DAPK2: variants seen among roughly 807,000 people sequenced by gnomAD.
The protein encoded by DAPK2 is death-associated protein kinase 2.
DAPK2 carries 35 observed loss-of-function variants against 44.1 expected under a neutral mutation model. That is an observed-to-expected ratio of 0.79 (90% CI 0.61 to 1.05). DAPK2 has a LOEUF of 1.05. Ranked by LOEUF, DAPK2 falls within the 50% of genes least tolerant of loss-of-function variation. The probability of loss-of-function intolerance (pLI) is 0.00; values close to 1 mark genes in which losing one functional copy is unlikely to be tolerated. For missense variants in DAPK2, 453 were observed against 483.2 expected, an observed-to-expected ratio of 0.94 and a Z score of 0.59; for synonymous variants, 174 against 182.6, an observed-to-expected ratio of 0.95 and a Z score of 0.38.
At chr15:64,007,897 G>T (rs966415594) in intron 1 of DAPK2, among the ~76,000 whole-genome samples, 3 of 152,178 alleles carry the variant, frequency 2.0e-5, no homozygotes, top group African/African-American at 2.4e-5. Flanking sequence ...AAAATACTAT[G>T]CTAAGTGAAA....
In DAPK2 at chr15:63,917,341, C is replaced by G. The variant is rs1595697908; in HGVS notation, c.859-5144G>C. The stretch of plus-strand genomic sequence containing the variant: ...TCGCGCCATTGCACTCCAGCCTGGG[C>G]AACGAGAGTGAAACTCTGTCTCAAA... On this transcript the variant is annotated intron_variant, in intron 8 of 10. Coordinates refer to ENST00000261891, the Ensembl canonical transcript of DAPK2. The surrounding 1 kb of genome is among the most constrained non-coding windows in gnomAD (Gnocchi z 4.4). 1 of 139,406 alleles carries G rather than the reference C, an allele frequency of 7.2e-6. No homozygotes were observed. The highest frequency in any genetic ancestry group is 2.7e-5 in the African/African-American group (1 of 37,504). The allele number at this position is 139,406 out of a possible 1,614,324, so 8.6% of individuals were successfully genotyped here. A position where few individuals can be genotyped will look rare whatever the true frequency, so the allele number is the denominator to read the frequency against.
intron 8 of DAPK2, 167 bp downstream of exon 9, chr15:63,924,649 G>A (rs1237930100): frequency 1.9e-5 from 12 of 644,796 alleles, no homozygotes; most frequent in East Asian, 1.6e-4. Context: ...AAACCTATTC[G>A]AATAAGCCCA....
At chr15:63,931,611 G>A (rs2079559034) in intron 4 of DAPK2, among the ~76,000 whole-genome samples, 1 of 152,170 alleles carries the variant, frequency 6.6e-6, no homozygotes, top group Admixed American at 6.5e-5. Flanking sequence ...CAATGAGCTT[G>A]AGGTGCCTGA....
At chr15:63,911,818 C>G in intron 10 of DAPK2, 90 bp downstream of exon 11, 1 of 1,321,696 alleles carries the variant, frequency 7.6e-7, no homozygotes, top group Non-Finnish European at 1.1e-6. Context: ...GAACACCCAC[C>G]TGCCTTGTGA....
chr15:64,001,710 C>A (rs2079089308), intron 1 of DAPK2, among the ~76,000 whole-genome samples: 2 of 152,166 alleles, frequency 1.3e-5, no homozygotes, highest in African/African-American at 4.8e-5. Context: ...CACCTGGAAG[C>A]TTGTCAGAAA....
chr15:63,930,887 C>T (rs1418397754), intron 4 of DAPK2, among the ~76,000 whole-genome samples: 1 of 152,046 alleles, frequency 6.6e-6, no homozygotes, highest in Admixed American at 6.5e-5. Flanking sequence ...AGTGAGACCC[C>T]ATCTCCACAA....
At chr15:63,913,592 G>A (rs6494453) in intron 8 of DAPK2, among the ~76,000 whole-genome samples, 100,923 of 151,988 alleles carry the variant, frequency 0.66, 34,788 homozygotes, top group East Asian at 0.91. Flanking sequence ...TTGATTCCCA[G>A]GCGTGGGTCT....
intron 4 of DAPK2, chr15:63,935,427 A>G (rs149519701): frequency 1.3e-5 from 2 of 152,094 alleles, no homozygotes; most frequent in African/African-American, 4.8e-5. Context: ...GCACACAATT[A>G]TGGGTTTACT....
chr15:64,033,253 T>TGGGGAG (rs59646299), intron 1 of DAPK2, among the ~76,000 whole-genome samples: 6 of 85,622 alleles, frequency 7.0e-5, no homozygotes, highest in African/African-American at 2.4e-4. Context: ...GAGAGACCCC[T>TGGGGAG]GGGGAGGGGG....
At chr15:63,946,152 C>A (rs1442750907) in intron 3 of DAPK2, among the ~76,000 whole-genome samples, 1 of 152,230 alleles carries the variant, frequency 6.6e-6, no homozygotes, top group Non-Finnish European at 1.5e-5. Flanking sequence ...ACAAACCCAC[C>A]CAGCTCATCC....
At chr15:63,986,195 C>G (rs2078664250) in intron 1 of DAPK2, among the ~76,000 whole-genome samples, 1 of 152,226 alleles carries the variant, frequency 6.6e-6, no homozygotes, top group African/African-American at 2.4e-5. Flanking sequence ...GCTTCAAGAT[C>G]AGACAGGCCT....
chr15:63,928,958 T>G (rs2079410914), intron 6 of DAPK2, among the ~76,000 whole-genome samples: 1 of 152,108 alleles, frequency 6.6e-6, no homozygotes, highest in South Asian at 2.1e-4. Flanking sequence ...ATCCCAGCAC[T>G]TTGGGAGGCT....
intron 1 of DAPK2, among the ~76,000 whole-genome samples, chr15:63,991,671 C>T (rs1438130143): frequency 6.6e-6 from 1 of 152,200 alleles, no homozygotes; most frequent in Non-Finnish European, 1.5e-5. Flanking sequence ...TTGAGAAGTA[C>T]TGCTCTATAG....
At chr15:63,992,786 TC>T (rs1350496582) in intron 1 of DAPK2, among the ~76,000 whole-genome samples, 2 of 152,180 alleles carry the variant, frequency 1.3e-5, no homozygotes, top group Admixed American at 1.3e-4. Flanking sequence ...CAGGCACCCT[TC>T]CCACCATCTG....
chr15:63,924,590 C>T (rs1459581480), intron 8 of DAPK2: 2 of 528,302 alleles, frequency 3.8e-6, no homozygotes, highest in Non-Finnish European at 6.7e-6. Context: ...GGTTTCATTT[C>T]ATAAGTTACC....
At chr15:63,926,290 T>C (rs1316334269) in intron 6 of DAPK2, 197 bp from the exon 8 acceptor site, 1 of 522,916 alleles carries the variant, frequency 1.9e-6, no homozygotes, top group Non-Finnish European at 3.3e-6. Context: ...GAGCTCCTCC[T>C]AAGCACCCGA....
intron 3 of DAPK2, among the ~76,000 whole-genome samples, chr15:63,944,638 G>A (rs913242934): frequency 6.6e-6 from 1 of 152,210 alleles, no homozygotes; most frequent in Non-Finnish European, 1.5e-5. Flanking sequence ...GGCTCACACA[G>A]GGCTAAATGA....
At chr15:63,914,235 G>C (rs1189805898) in intron 8 of DAPK2, among the ~76,000 whole-genome samples, 1 of 150,072 alleles carries the variant, frequency 6.7e-6, no homozygotes, top group Non-Finnish European at 1.5e-5. Flanking sequence ...GCGGGGGGTG[G>C]GGTGACCCAA....
rs112885662 is a variant in DAPK2 at position 63,990,426 on chromosome 15, T to TAGAAAAGAAAA, written c.93-6673_93-6672insTTTTCTTTTCT. ...CTGGGTGACAGAGCAAGACTCCATC[T>TAGAAAAGAAAA]AGAAAAAGAAAAAGAAAGGTCCATG... On this transcript the variant is annotated intron_variant, in intron 1 of 10. Transcript: ENST00000261891. The surrounding 1 kb of genome is among the most constrained non-coding windows in gnomAD (Gnocchi z 4.3). Among the ~76,000 whole-genome samples the TAGAAAAGAAAA allele has an allele frequency of 5.3e-5, 8 of 150,286 alleles. No individual in the cohort carries two copies. Among genetic ancestry groups the TAGAAAAGAAAA allele is most frequent in the Middle Eastern group, 3.4e-3 (1 of 292 alleles).
Sources: allele counts gnomAD v4.1 joint callset (sites outside exome capture counted in the v4.1 genomes callset), GRCh38; gene constraint gnomAD v4.1.1; non-coding constraint Gnocchi (gnomAD v3.1); transcripts MANE v1.5; gene names NCBI Gene and HGNC (gene_info 2026-07-23, HGNC 2026-07-21).